SOX5: variants seen among roughly 807,000 people sequenced by gnomAD.
SOX5 encodes the protein SRY-box transcription factor 5.
Under a neutral mutation model 92.0 loss-of-function variants are expected in SOX5, and 9 were observed. The ratio of observed to expected loss-of-function variants is 0.10; its 90% CI spans 0.06 to 0.17. The LOEUF (loss-of-function observed/expected upper bound fraction) is 0.17. Ranked by LOEUF, SOX5 falls within the 10% of genes least tolerant of loss-of-function variation. SOX5 has a pLI of 1.00. For synonymous variants in SOX5, 344 were observed against 336.3 expected, an observed-to-expected ratio of 1.02 and a Z score of -0.25; for missense variants, 642 against 944.5, an observed-to-expected ratio of 0.68 and a Z score of 4.20.
At chr12:24,258,983 C>T (rs973680296) in intron 3 of SOX5, among the ~76,000 whole-genome samples, 1 of 152,220 alleles carries the variant, frequency 6.6e-6, no homozygotes, top group African/African-American at 2.4e-5. Flanking sequence ...TCTAGGCTAC[C>T]TCTCCAGGAT....
chr12:23,653,118 T>C (rs1405026508), intron 7 of SOX5, among the ~76,000 whole-genome samples: 1 of 151,866 alleles, frequency 6.6e-6, no homozygotes, highest in African/African-American at 2.4e-5. Flanking sequence ...GCTTCAGACC[T>C]TTCGTGGTTT....
In SOX5 at chr12:24,449,103, C is replaced by T. The variant is rs181363625; in HGVS notation, c.-250-80464G>A. Among the ~76,000 whole-genome samples the T allele has an allele frequency of 1.1e-4, 17 of 152,290 alleles. No individual in the cohort carries two copies. The East Asian group carries it at 3.1e-3, about 28-fold the overall frequency. On this transcript the variant is annotated intron_variant, in intron 1 of 4. Coordinates refer to the SOX5 transcript ENST00000446891. Reference sequence around the variant, plus strand: ...ACTTCCTACACTATTACAATCACTTCCTAACTGGATCCTCTACTCTCTTTC... The same window carrying T: ...ACTTCCTACACTATTACAATCACTTTCTAACTGGATCCTCTACTCTCTTTC...
intron 4 of SOX5, among the ~76,000 whole-genome samples, chr12:24,014,128 C>T (rs916621239): frequency 6.6e-6 from 1 of 152,110 alleles, no homozygotes; most frequent in African/African-American, 2.4e-5. Flanking sequence ...ATTTCGGAAA[C>T]AGAACTGATG....
chr12:23,663,350 T>C (rs2139372535), intron 7 of SOX5, among the ~76,000 whole-genome samples: 1 of 152,216 alleles, frequency 6.6e-6, no homozygotes, highest in East Asian at 1.9e-4. Flanking sequence ...ATTTTGGAAA[T>C]GGAAAAAATT....
intron 11 of SOX5, among the ~76,000 whole-genome samples, chr12:23,557,779 T>C (rs1454161945): frequency 6.6e-6 from 1 of 152,024 alleles, no homozygotes. Flanking sequence ...ATTGAGACCA[T>C]CCTGGCGACC....
At chr12:24,178,106 A>G (rs1955029699) in intron 4 of SOX5, among the ~76,000 whole-genome samples, 1 of 152,196 alleles carries the variant, frequency 6.6e-6, no homozygotes, top group Non-Finnish European at 1.5e-5. Flanking sequence ...TTGAGTGTCC[A>G]TGTGGTTTGG....
intron 3 of SOX5, among the ~76,000 whole-genome samples, chr12:23,820,039 TCCCA>T (rs2096075734): frequency 6.6e-6 from 1 of 152,176 alleles, no homozygotes; most frequent in Admixed American, 6.5e-5. Context: ...TAATTTACAC[TCCCA>T]CCAACAGTAT....
intron 4 of SOX5, among the ~76,000 whole-genome samples, chr12:24,026,021 A>G (rs1288146684): frequency 6.6e-6 from 1 of 152,132 alleles, no homozygotes; most frequent in Non-Finnish European, 1.5e-5. Context: ...ACAACCTAAT[A>G]TGGCTCAGCA....
chr12:23,925,558 G>A (rs1410362229), intron 1 of SOX5, among the ~76,000 whole-genome samples: 2 of 152,082 alleles, frequency 1.3e-5, no homozygotes, highest in African/African-American at 4.8e-5. Context: ...AACAGTAAAT[G>A]TAAATGGTGA....
At chr12:23,746,995 T>A (rs1432694240) in intron 4 of SOX5, among the ~76,000 whole-genome samples, 1 of 152,106 alleles carries the variant, frequency 6.6e-6, no homozygotes, top group Non-Finnish European at 1.5e-5. Flanking sequence ...TTCACTTTCC[T>A]CCATGACTGT....
chr12:24,311,010 C>T (rs1949111855), intron 2 of SOX5, among the ~76,000 whole-genome samples: 1 of 152,226 alleles, frequency 6.6e-6, no homozygotes, highest in East Asian at 1.9e-4. Context: ...ATTGAGAAAA[C>T]TACAGAGCAA....
At chr12:23,658,505 A>G (rs1417540148) in intron 7 of SOX5, among the ~76,000 whole-genome samples, 1 of 152,214 alleles carries the variant, frequency 6.6e-6, no homozygotes. Context: ...AAAGCTTTAC[A>G]ACTAAATCAG....
At chr12:24,516,393 A>G (rs772199869) in intron 1 of SOX5, among the ~76,000 whole-genome samples, 4 of 152,120 alleles carry the variant, frequency 2.6e-5, no homozygotes, top group Non-Finnish European at 4.4e-5. Flanking sequence ...ATCACAGTAG[A>G]TTTTTGAGGG....
At chr12:23,801,936 C>T (rs888096361) in intron 3 of SOX5, among the ~76,000 whole-genome samples, 4 of 152,128 alleles carry the variant, frequency 2.6e-5, no homozygotes, top group Admixed American at 2.0e-4. Flanking sequence ...TACAGACGTC[C>T]TTCAGAATTT....
At chr12:23,825,755 A>G (rs2096220013) in intron 3 of SOX5, among the ~76,000 whole-genome samples, 1 of 152,186 alleles carries the variant, frequency 6.6e-6, no homozygotes, top group South Asian at 2.1e-4. Context: ...ATTGTTTGCA[A>G]TTTAGATAGA....
At chr12:23,708,376 G>T (rs1417041036) in intron 6 of SOX5, among the ~76,000 whole-genome samples, 1 of 150,958 alleles carries the variant, frequency 6.6e-6, no homozygotes, top group Non-Finnish European at 1.5e-5. Flanking sequence ...ACAGAAGAAC[G>T]ATTAAGTTTG....
At chr12:24,318,277 A>G (rs1949892944) in intron 2 of SOX5, among the ~76,000 whole-genome samples, 1 of 152,226 alleles carries the variant, frequency 6.6e-6, no homozygotes, top group Admixed American at 6.5e-5. Flanking sequence ...GCACCCATGC[A>G]GTCAAGTTTC....
chr12:24,558,138 A>G (rs1054535131), intron 1 of SOX5, among the ~76,000 whole-genome samples: 4 of 152,206 alleles, frequency 2.6e-5, no homozygotes, highest in Admixed American at 6.5e-5. Context: ...AAATAACAGT[A>G]ATATCATCTA....
chr12:23,898,285 C>T (rs2137823143), intron 1 of SOX5, among the ~76,000 whole-genome samples: 1 of 152,218 alleles, frequency 6.6e-6, no homozygotes, highest in East Asian at 1.9e-4. Context: ...CAAACGTTAG[C>T]ATTTGTGGTC....
Sources: gnomAD v4.1 joint callset for allele counts (sites outside exome capture counted in the v4.1 genomes callset) on GRCh38, gnomAD v4.1.1 for gene constraint, MANE v1.5 for transcripts, NCBI Gene and HGNC (gene_info 2026-07-23, HGNC 2026-07-21) for gene names.